Variants in MAST4 observed in about 807,000 individuals in gnomAD.
MAST4 encodes microtubule associated serine/threonine kinase family member 4.
MAST4 carries 89 observed loss-of-function variants against 162.7 expected under a neutral mutation model. That is an observed-to-expected ratio of 0.55 (90% confidence interval 0.46 to 0.65). MAST4 has a LOEUF of 0.65. Among genes scored for constraint, MAST4 ranks in the 30% least tolerant of loss-of-function variants. The pLI is 0.00. For synonymous variants in MAST4, 1,479 were observed against 1,361.1 expected (o/e 1.09, Z -1.91); for missense variants, 3,153 against 3,374.0 (o/e 0.93, Z 1.62).
intron 1 of MAST4, among the ~76,000 whole-genome samples, chr5:66,709,491 A>T (rs1054288308): frequency 1.3e-5 from 2 of 151,540 alleles, no homozygotes; most frequent in Non-Finnish European, 2.9e-5. Flanking sequence ...AATTTTTTTC[A>T]TTTTTTGTAG....
intron 1 of MAST4, among the ~76,000 whole-genome samples, chr5:66,653,280 G>C (rs1035805263): frequency 2.0e-5 from 3 of 152,058 alleles, no homozygotes; most frequent in African/African-American, 7.3e-5. Flanking sequence ...CCCTTTTACT[G>C]ACCAAGAGGT....
At chr5:67,155,983 CG>C (rs1214118649) in intron 26 of MAST4, among the ~76,000 whole-genome samples, 1 of 150,648 alleles carries the variant, frequency 6.6e-6, no homozygotes, top group East Asian at 2.0e-4. Flanking sequence ...TTCTTGAACC[CG>C]GGAGGCGGAG....
chr5:66,858,608 G>A (rs572086711), intron 3 of MAST4, among the ~76,000 whole-genome samples: 22 of 152,212 alleles, frequency 1.4e-4, no homozygotes, highest in South Asian at 4.1e-4. Context: ...TGTAGGGCAC[G>A]TCTCTTATTT....
At chr5:67,146,904 T>G (rs920076193) in intron 23 of MAST4, among the ~76,000 whole-genome samples, 1 of 152,208 alleles carries the variant, frequency 6.6e-6, no homozygotes, top group Non-Finnish European at 1.5e-5. Context: ...TATTTTCTAT[T>G]CCTGGTTACA....
At chr5:66,660,186 C>A (rs1196285016) in intron 1 of MAST4, among the ~76,000 whole-genome samples, 1 of 152,088 alleles carries the variant, frequency 6.6e-6, no homozygotes, top group African/African-American at 2.4e-5. Context: ...GTCAGGAGTT[C>A]GAGACCAGCC....
intron 4 of MAST4, among the ~76,000 whole-genome samples, chr5:67,036,829 G>A (rs1018149648): frequency 7.2e-5 from 11 of 152,116 alleles, no homozygotes; most frequent in African/African-American, 2.7e-4. Flanking sequence ...GTCTTTGGAT[G>A]CTATATATTT....
At chr5:67,028,164 G>GTTGTTGTGTT (rs368859806) in intron 4 of MAST4, among the ~76,000 whole-genome samples, 31,902 of 151,962 alleles carry the variant, frequency 0.21, 3,666 homozygotes, top group Non-Finnish European at 0.26. Flanking sequence ...AGGGCATCCA[G>GTTGTTGTGTT]GAGACACACA....
At chr5:66,801,155 T>C (rs1420251556) in intron 3 of MAST4, among the ~76,000 whole-genome samples, 1 of 152,070 alleles carries the variant, frequency 6.6e-6, no homozygotes, top group African/African-American at 2.4e-5. Context: ...TATTTTAAAG[T>C]GATTGTTATG....
chr5:67,119,124 T>G (rs770931265), intron 13 of MAST4, among the ~76,000 whole-genome samples: 1 of 152,112 alleles, frequency 6.6e-6, no homozygotes, highest in Non-Finnish European at 1.5e-5. Flanking sequence ...TTGTTCATGT[T>G]TATCAGGTTT....
At chr5:67,047,064 T>C (rs1757468028) in intron 4 of MAST4, among the ~76,000 whole-genome samples, 1 of 152,250 alleles carries the variant, frequency 6.6e-6, no homozygotes, top group Non-Finnish European at 1.5e-5. Context: ...CACAGACTGA[T>C]GTAACACTTG....
intron 1 of MAST4, among the ~76,000 whole-genome samples, chr5:66,699,827 A>G (rs944377142): frequency 8.6e-5 from 13 of 152,046 alleles, no homozygotes; most frequent in African/African-American, 3.1e-4. Flanking sequence ...CTTAATACCT[A>G]GGTGATGGGT....
intron 1 of MAST4, among the ~76,000 whole-genome samples, chr5:66,747,742 G>T (rs1454815781): frequency 1.3e-5 from 2 of 152,148 alleles, no homozygotes; most frequent in Non-Finnish European, 2.9e-5. Context: ...TCTCAATAAT[G>T]GCATTGCTGA....
At chr5:67,040,325 T>C (rs1276433955) in intron 4 of MAST4, among the ~76,000 whole-genome samples, 2 of 152,152 alleles carry the variant, frequency 1.3e-5, no homozygotes, top group Admixed American at 1.3e-4. Context: ...GAGAGCTGTG[T>C]CTGGCTAGAT....
intron 4 of MAST4, among the ~76,000 whole-genome samples, chr5:66,949,162 A>C (rs1744379850): frequency 6.6e-6 from 1 of 152,200 alleles, no homozygotes; most frequent in Non-Finnish European, 1.5e-5. Flanking sequence ...GATCTGGAAA[A>C]GCACAGCTTA....
At chr5:66,772,343 A>C (rs1290687761) in intron 2 of MAST4, among the ~76,000 whole-genome samples, 1 of 151,992 alleles carries the variant, frequency 6.6e-6, no homozygotes, top group Non-Finnish European at 1.5e-5. Context: ...GTTTCAATTT[A>C]TGTTTTTTTA....
At position 66,903,351 on chromosome 5, in the gene MAST4, G is replaced by T. The variant is rs145003742; in HGVS notation, c.674+3369G>T. Among the ~76,000 whole-genome samples the T allele has an allele frequency of 1.7e-3, 263 of 151,828 alleles. 1 individual carries two copies. The highest frequency in any genetic ancestry group is 5.8e-3 in the African/African-American group (241 of 41,320). ...TAAAATACTCAGTGATTGTTTTGAA[G>T]TAGGATTCAAATTGCTTTAACCAAG... On this transcript the variant is annotated intron_variant, in intron 4 of 28. Transcript: ENST00000403625.
chr5:67,092,126 C>A (rs1430240651), intron 6 of MAST4, among the ~76,000 whole-genome samples: 1 of 152,180 alleles, frequency 6.6e-6, no homozygotes, highest in African/African-American at 2.4e-5. Context: ...CCATTTGGTG[C>A]ACATTGCTGA....
At position 66,616,620 on chromosome 5, in the gene MAST4, C is replaced by T. The variant is rs537224863; in HGVS notation, c.363+19602C>T. Among the ~76,000 whole-genome samples, 424 of 152,120 alleles carry T rather than the reference C, an allele frequency of 2.8e-3. 1 individual carries two copies. The highest frequency in any genetic ancestry group is 0.012 in the South Asian group (59 of 4,804). ...GTGAAGGGCTTCTCTTCTGGACTGA[C>T]AAGTTCTGTAGAACCCCCAAGCAGC... is the stretch of plus-strand genomic sequence containing the variant. On this transcript the variant is annotated intron_variant, in intron 1 of 28. Transcript: ENST00000403625.
chr5:67,016,852 C>A lies in MAST4; in HGVS notation c.675-37552C>A, dbSNP rs115905299. The stretch of plus-strand genomic sequence containing the variant: ...TTATCTACACATTTCAAAATCCATG[C>A]CGATCTTGTAATAATGCATATAGTT... On this transcript the variant is annotated intron_variant, in intron 4 of 28. Transcript: ENST00000403625. Among the ~76,000 whole-genome samples the A allele has an allele frequency of 5.5e-3, 837 of 152,236 alleles. 6 individuals are homozygous for A. Among genetic ancestry groups the A allele is most frequent in the African/African-American group, 0.019 (808 of 41,536 alleles).
Sources: gnomAD v4.1 joint callset for allele counts (sites outside exome capture counted in the v4.1 genomes callset) on GRCh38, gnomAD v4.1.1 for gene constraint, MANE v1.5 for transcripts, NCBI Gene and HGNC (gene_info 2026-07-23, HGNC 2026-07-21) for gene names.